Variants in NALCN observed in about 807,000 individuals in gnomAD.
NALCN encodes the protein sodium leak channel NALCN.
In NALCN, 111 loss-of-function variants were observed where a neutral mutation model predicts 225.3. The ratio of observed to expected loss-of-function variants is 0.49; its 90% confidence interval spans 0.42 to 0.58. The LOEUF (loss-of-function observed/expected upper bound fraction) is 0.58. Ranked by LOEUF, NALCN falls within the 20% of genes least tolerant of loss-of-function variation. NALCN has a pLI of 0.00. For missense variants in NALCN, 1,378 were observed against 2,202.4 expected (o/e 0.63, Z 7.49); for synonymous variants, 764 against 769.0 (o/e 0.99, Z 0.11).
At position 101,367,571 on chromosome 13, in the gene NALCN, C is replaced by T. The variant is rs188588026; in HGVS notation, c.644+9129G>A. Among the ~76,000 whole-genome samples the T allele has an allele frequency of 1.8e-4, 27 of 152,034 alleles. 1 individual carries two copies. Among genetic ancestry groups the T allele is most frequent in the African/African-American group, 5.8e-4 (24 of 41,480 alleles). On this transcript the variant is annotated intron_variant, in intron 6 of 43. Transcript: ENST00000251127. ...CATTCTAGGTCTTAAAGCTTTTATG[C>T]TTAATAAATATTAAATTAATGAGCT...
rs577481502 is a variant in NALCN, at chr13:101,334,229, G to A, written c.799+11037C>T. On this transcript the variant is annotated intron_variant, in intron 7 of 43. Transcript: ENST00000251127. ...CCAGACGGTGGGACACATGTAGAAC[G>A]AAGTAACGAAGTGTCCACTTTGATG... Among the ~76,000 whole-genome samples the A allele has an allele frequency of 1.1e-4, 17 of 152,134 alleles. No homozygotes were observed. In the South Asian group the frequency reaches 3.3e-3, roughly 30 times the overall value.
chr13:101,223,676 C>T (rs1301214980), intron 13 of NALCN, among the ~76,000 whole-genome samples: 1 of 152,132 alleles, frequency 6.6e-6, no homozygotes, highest in African/African-American at 2.4e-5. Flanking sequence ...CAGGTACTCA[C>T]TCCAGACACA....
chr13:101,204,329 A>G (rs1947044171), intron 13 of NALCN, among the ~76,000 whole-genome samples: 1 of 152,194 alleles, frequency 6.6e-6, no homozygotes, highest in African/African-American at 2.4e-5. Flanking sequence ...AAGAAAGACC[A>G]AGTAGTTCTT....
chr13:101,393,815 A>G (rs1231655669), intron 3 of NALCN, among the ~76,000 whole-genome samples: 1 of 152,188 alleles, frequency 6.6e-6, no homozygotes, highest in Admixed American at 6.5e-5. Context: ...CCCAAAAACG[A>G]AAACAAAAAC....
At position 101,411,450 on chromosome 13, in the gene NALCN, C is replaced by T. The variant is rs1285821933; in HGVS notation, c.-40+4863G>A. Among the ~76,000 whole-genome samples the T allele has an allele frequency of 3.3e-5, 5 of 150,208 alleles. No individual in the cohort carries two copies. The East Asian group carries it at 7.9e-4, about 24-fold the overall frequency. On this transcript the variant is annotated intron_variant, in intron 1 of 43. Coordinates refer to ENST00000251127, the MANE Select transcript of NALCN (RefSeq NM_052867.4). ...CTCTGCCTCCTGGGTTCAAATGATT[C>T]GCCTGCCTCAGCCTCCCCTCCCGAG... is the stretch of plus-strand genomic sequence containing the variant.
At chr13:101,205,931 A>T (rs1167958189) in intron 13 of NALCN, among the ~76,000 whole-genome samples, 3 of 152,078 alleles carry the variant, frequency 2.0e-5, no homozygotes, top group African/African-American at 7.2e-5. Context: ...GAATCTACAT[A>T]GGAAATTTCA....
intron 28 of NALCN, among the ~76,000 whole-genome samples, chr13:101,094,306 C>T (rs9518302): frequency 0.064 from 9,672 of 152,154 alleles, 334 homozygotes; most frequent in South Asian, 0.11. Flanking sequence ...TCTTGCCCTG[C>T]CCATCTCTGA....
intron 7 of NALCN, among the ~76,000 whole-genome samples, chr13:101,315,774 T>C (rs897336908): frequency 6.6e-6 from 1 of 152,148 alleles, no homozygotes; most frequent in Non-Finnish European, 1.5e-5. Context: ...CTAGAAAGCA[T>C]ATACTTAGAA....
At chr13:101,304,463 T>C (rs1305113401) in intron 7 of NALCN, among the ~76,000 whole-genome samples, 1 of 151,888 alleles carries the variant, frequency 6.6e-6, no homozygotes, top group African/African-American at 2.4e-5. Flanking sequence ...GGTGTGTATT[T>C]TGTTATTTTT....
At chr13:101,133,762 G>T (rs953713311) in intron 17 of NALCN, among the ~76,000 whole-genome samples, 3 of 152,174 alleles carry the variant, frequency 2.0e-5, no homozygotes, top group African/African-American at 7.2e-5. Context: ...AGATTAAAAT[G>T]TTGATTATGG....
At chr13:101,180,718 C>T (rs1342926846) in intron 14 of NALCN, 1 of 222,406 alleles carries the variant, frequency 4.5e-6, no homozygotes, top group Admixed American at 5.0e-5. Context: ...AAGGTTCTCT[C>T]CCCATCAGGT....
chr13:101,205,229 T>G (rs2040266495), intron 13 of NALCN, among the ~76,000 whole-genome samples: 1 of 152,164 alleles, frequency 6.6e-6, no homozygotes, highest in South Asian at 2.1e-4. Flanking sequence ...TATATTGCAC[T>G]CCATATAATG....
chr13:101,290,141 G>T (rs1477791702), intron 9 of NALCN, among the ~76,000 whole-genome samples: 1 of 152,154 alleles, frequency 6.6e-6, no homozygotes, highest in Non-Finnish European at 1.5e-5. Context: ...GTACAATTTT[G>T]CATCAAAATG....
chr13:101,390,459 A>G (rs1594775200), intron 3 of NALCN, among the ~76,000 whole-genome samples: 2 of 152,236 alleles, frequency 1.3e-5, no homozygotes, highest in Middle Eastern at 6.8e-3. Flanking sequence ...AAGGAAAGGA[A>G]AGACCAAACC....
intron 15 of NALCN, 69 bp from the exon 16 acceptor site, chr13:101,144,965 T>A: frequency 6.8e-7 from 1 of 1,477,794 alleles, no homozygotes; most frequent in Non-Finnish European, 9.0e-7. Flanking sequence ...TACACAAAAT[T>A]AGTTTTAGAA....
At chr13:101,073,083 A>G (rs2033007567) in intron 37 of NALCN, among the ~76,000 whole-genome samples, 1 of 152,248 alleles carries the variant, frequency 6.6e-6, no homozygotes, top group South Asian at 2.1e-4. Context: ...AGACCTGTTT[A>G]AACTGAGACC....
chr13:101,403,487 C>T (rs1483395616), intron 1 of NALCN, among the ~76,000 whole-genome samples: 1 of 152,230 alleles, frequency 6.6e-6, no homozygotes, highest in Non-Finnish European at 1.5e-5. Flanking sequence ...AATTCCCTCA[C>T]TTAACTCATG....
chr13:101,294,196 A>C lies in NALCN; in HGVS notation c.800-1830T>G, dbSNP rs1227338281. 2.6e-5 allele frequency among the ~76,000 whole-genome samples: 4 copies of C among 152,188 alleles called. No homozygotes were observed. The East Asian group carries it at 7.7e-4, about 29-fold the overall frequency. On this transcript the variant is annotated intron_variant, in intron 7 of 43. Transcript: ENST00000251127. Reference sequence around the variant, plus strand: ...TCTCTTGATTGAGACTGGGGCTTTAAAAAGAAATTATTAATGGGTACAAAC... The same window carrying C: ...TCTCTTGATTGAGACTGGGGCTTTACAAAGAAATTATTAATGGGTACAAAC...
At chr13:101,310,694 T>C (rs1289100492) in intron 7 of NALCN, among the ~76,000 whole-genome samples, 1 of 152,192 alleles carries the variant, frequency 6.6e-6, no homozygotes, top group Non-Finnish European at 1.5e-5. Flanking sequence ...ATTTTTTCTC[T>C]GTTTTTCACT....
Sources: gnomAD v4.1 joint callset for allele counts (sites outside exome capture counted in the v4.1 genomes callset) on GRCh38, gnomAD v4.1.1 for gene constraint, MANE v1.5 for transcripts, NCBI Gene and HGNC (gene_info 2026-07-23, HGNC 2026-07-21) for gene names.